Variants in SDK1 observed in about 807,000 individuals in gnomAD.
The protein encoded by SDK1 is protein sidekick-1.
A neutral mutation model predicts 245.5 loss-of-function variants in SDK1; 157 were observed. The observed-to-expected ratio is 0.64, with a 90% CI of 0.56 to 0.73. SDK1 has a LOEUF of 0.73. SDK1 is among the 30% of genes least tolerant of loss of function. The pLI is 0.00. For synonymous variants in SDK1, 1,647 were observed against 1,278.5 expected (o/e 1.29, Z -6.15); for missense variants, 3,583 against 3,002.3 (o/e 1.19, Z -4.52).
At chr7:3,816,144 G>C (rs1779502411) in intron 4 of SDK1, among the ~76,000 whole-genome samples, 1 of 145,192 alleles carries the variant, frequency 6.9e-6, no homozygotes, top group South Asian at 2.2e-4. Context: ...GAGAAAGCAG[G>C]AAAGATCCAA....
intron 4 of SDK1, among the ~76,000 whole-genome samples, chr7:3,682,471 G>A (rs1323065065): frequency 2.0e-5 from 3 of 152,412 alleles, no homozygotes; most frequent in East Asian, 1.9e-4. Context: ...GCTAATGGCA[G>A]CGTTCCCACG....
chr7:3,570,184 G>A (rs941091820), intron 1 of SDK1, among the ~76,000 whole-genome samples: 2 of 152,128 alleles, frequency 1.3e-5, no homozygotes, highest in Non-Finnish European at 2.9e-5. Context: ...TTTGGCATCA[G>A]GACTGGTTTC....
At chr7:3,713,381 C>A (rs751922382) in intron 4 of SDK1, among the ~76,000 whole-genome samples, 7 of 152,118 alleles carry the variant, frequency 4.6e-5, no homozygotes, top group Non-Finnish European at 8.8e-5. Context: ...CTACAAAGAA[C>A]TTAAAACTAA....
intron 26 of SDK1, among the ~76,000 whole-genome samples, chr7:4,128,107 C>T (rs1453170213): frequency 1.3e-5 from 2 of 152,154 alleles, no homozygotes; most frequent in Admixed American, 6.5e-5. Context: ...TTCCATCACT[C>T]GGGGCGACAG....
intron 1 of SDK1, among the ~76,000 whole-genome samples, chr7:3,465,941 G>C (rs903507013): frequency 2.6e-5 from 4 of 152,126 alleles, no homozygotes; most frequent in African/African-American, 9.7e-5. Context: ...AAAAAGTGTT[G>C]CTGTAATTTT....
intron 4 of SDK1, among the ~76,000 whole-genome samples, chr7:3,718,475 T>C (rs1298407225): frequency 2.0e-5 from 3 of 151,372 alleles, no homozygotes; most frequent in Admixed American, 6.6e-5. Context: ...TGAGCCATGT[T>C]TGCACCACTG....
At chr7:4,147,695 G>A (rs1333858450) in intron 29 of SDK1, among the ~76,000 whole-genome samples, 1 of 152,132 alleles carries the variant, frequency 6.6e-6, no homozygotes, top group Non-Finnish European at 1.5e-5. Context: ...GCAATGTAAA[G>A]CACATGGAAG....
intron 1 of SDK1, among the ~76,000 whole-genome samples, chr7:3,451,149 G>T (rs1350879544): frequency 1.3e-5 from 2 of 152,124 alleles, no homozygotes; most frequent in African/African-American, 4.8e-5. Flanking sequence ...CTGAGCGAGG[G>T]TGTGGGTATG....
chr7:3,800,610 T>C (rs990333469), intron 4 of SDK1, among the ~76,000 whole-genome samples: 1 of 152,038 alleles, frequency 6.6e-6, no homozygotes, highest in Non-Finnish European at 1.5e-5. Flanking sequence ...GACCTCATGA[T>C]CCGCCCGCCT....
rs541306703 is a variant in SDK1, at chr7:3,418,703, G to C, written c.298+116819G>C. The stretch of plus-strand genomic sequence containing the variant: ...TATATTTTGGGAGGTGCCATGGGCA[G>C]ATACATCGGCGATACTGTTACATAG... On this transcript the variant is annotated intron_variant, in intron 1 of 44. Coordinates refer to ENST00000404826, the MANE Select transcript of SDK1 (RefSeq NM_152744.4). 1.3e-5 allele frequency among the ~76,000 whole-genome samples: 2 copies of C among 152,266 alleles called. 1 individual carries two copies. Among genetic ancestry groups the C allele is most frequent in the South Asian group, 4.2e-4 (2 of 4,816 alleles).
intron 19 of SDK1, among the ~76,000 whole-genome samples, chr7:4,066,229 C>T (rs1457926010): frequency 3.3e-5 from 5 of 152,104 alleles, no homozygotes; most frequent in Admixed American, 1.3e-4. Context: ...TTCTCCTGAA[C>T]GGGTATCTGG....
chr7:4,159,954 G>A (rs960682459), intron 31 of SDK1, among the ~76,000 whole-genome samples: 16 of 152,122 alleles, frequency 1.1e-4, no homozygotes, highest in Non-Finnish European at 1.9e-4. Context: ...TAAAGTATGC[G>A]GGAGGATGTG....
chr7:3,311,896 C>T (rs1307338144), intron 1 of SDK1, among the ~76,000 whole-genome samples: 1 of 152,200 alleles, frequency 6.6e-6, no homozygotes, highest in African/African-American at 2.4e-5. Flanking sequence ...GATCTGAATA[C>T]ACGCCCCAAT....
At chr7:3,355,260 C>G (rs1237226036) in intron 1 of SDK1, among the ~76,000 whole-genome samples, 1 of 152,158 alleles carries the variant, frequency 6.6e-6, no homozygotes, top group African/African-American at 2.4e-5. Context: ...TATGGAGTTA[C>G]TTTTAAAATG....
chr7:3,911,938 G>C (rs766945192), intron 5 of SDK1, among the ~76,000 whole-genome samples: 1 of 152,158 alleles, frequency 6.6e-6, no homozygotes, highest in Non-Finnish European at 1.5e-5. Context: ...ACTTGCACCT[G>C]GAAGGATGAC....
rs1476831862 is a variant in SDK1 at position 4,265,449 on chromosome 7, ACAAT to A, written c.*69_*72del. 4.9e-5 allele frequency: 69 copies of A among 1,395,994 alleles called. No individual in the cohort carries two copies. The highest frequency in any genetic ancestry group is 5.3e-5 in the Non-Finnish European group (57 of 1,083,364). 86.5% of individuals were successfully genotyped at this position (1,395,994 alleles called of 1,614,324 possible). A position where few individuals can be genotyped will look rare whatever the true frequency, so the allele number is the denominator to read the frequency against. ...CTTTCCGGAGTCTATTTTTGTTAAG[ACAAT>A]CAACTCCAATAACTGAGCTGAAGTT... On this transcript the variant is annotated 3_prime_UTR_variant, in exon 45 of 45. Transcript: ENST00000404826.
chr7:4,106,465 T>C (rs1033992253), intron 22 of SDK1, among the ~76,000 whole-genome samples: 2 of 151,740 alleles, frequency 1.3e-5, no homozygotes, highest in African/African-American at 4.8e-5. Context: ...CACCACGCCT[T>C]TTTTGTATTT....
chr7:4,055,255 T>G (rs945747220), intron 19 of SDK1, among the ~76,000 whole-genome samples: 3 of 152,238 alleles, frequency 2.0e-5, no homozygotes, highest in Non-Finnish European at 4.4e-5. Context: ...ATTTTTAATA[T>G]AAATGCAATT....
chr7:3,462,568 T>G (rs1002366084), intron 1 of SDK1, among the ~76,000 whole-genome samples: 14 of 152,184 alleles, frequency 9.2e-5, no homozygotes, highest in African/African-American at 2.9e-4. Context: ...ATATTTCTAC[T>G]TATATCTTTC....
Sources: allele counts gnomAD v4.1 joint callset (sites outside exome capture counted in the v4.1 genomes callset), GRCh38; gene constraint gnomAD v4.1.1; transcripts MANE v1.5; gene names NCBI Gene and HGNC (gene_info 2026-07-23, HGNC 2026-07-21).